The following AFF2 variants were observed in gnomAD, a reference collection of about 807,000 sequenced individuals.
AFF2 encodes the protein AF4/FMR2 family member 2.
Under a neutral mutation model 76.9 loss-of-function variants are expected in AFF2, and 14 were observed. The ratio of observed to expected loss-of-function variants is 0.18; its 90% CI spans 0.12 to 0.28. The LOEUF is 0.28. Among genes scored for constraint, AFF2 ranks in the 10% least tolerant of loss-of-function variants. The pLI, the probability that AFF2 is intolerant of heterozygous loss-of-function variation, is 1.00. For synonymous variants in AFF2, 398 were observed against 366.7 expected (o/e 1.09, Z -0.98); for missense variants, 868 against 1,001.1 (o/e 0.87, Z 1.79).
At chrX:148,933,455 G>A (rs1054548139) in intron 9 of AFF2, among the ~76,000 whole-genome samples, 4 of 111,703 alleles carry the variant, frequency 3.6e-5, no homozygotes, top group Non-Finnish European at 7.5e-5. Context: ...ATTGTCAAAG[G>A]ACTATGGGAA....
chrX:148,989,054 C>A (rs2072505977), intron 20 of AFF2, among the ~76,000 whole-genome samples: 1 of 112,089 alleles, frequency 8.9e-6, no homozygotes, highest in East Asian at 2.8e-4. Flanking sequence ...GGTGAGATCC[C>A]AAACCAGTTA....
chrX:148,905,768 A>T (rs1377590947), intron 9 of AFF2, among the ~76,000 whole-genome samples: 1 of 112,699 alleles, frequency 8.9e-6, no homozygotes, highest in Non-Finnish European at 1.9e-5. Flanking sequence ...GCCCATTGGC[A>T]GTGTTTGGGG....
chrX:148,652,195 T>C, intron 2 of AFF2, 64 bp downstream of exon 2: 1 of 867,766 alleles, frequency 1.2e-6, no homozygotes, highest in South Asian at 2.5e-5. Flanking sequence ...TAATCAACAT[T>C]TAATTTATGT....
intron 1 of AFF2, among the ~76,000 whole-genome samples, chrX:148,510,798 C>T (rs1476579247): frequency 1.8e-5 from 2 of 111,922 alleles, no homozygotes; most frequent in African/African-American, 6.5e-5. Flanking sequence ...ATGCTTAGAA[C>T]AGTGTGTGGT....
intron 7 of AFF2, among the ~76,000 whole-genome samples, chrX:148,861,330 G>A (rs1404878766): frequency 8.9e-6 from 1 of 111,960 alleles, no homozygotes; most frequent in Non-Finnish European, 1.9e-5. Context: ...TCAATTATGT[G>A]TATGTGTGAG....
At chrX:148,614,762 C>CT (rs1377607663) in intron 1 of AFF2, among the ~76,000 whole-genome samples, 1 of 53,217 alleles carries the variant, frequency 1.9e-5, no homozygotes, top group African/African-American at 1.0e-4. Flanking sequence ...TTCTTTCTTT[C>CT]TTTCTTTCTT....
intron 3 of AFF2, among the ~76,000 whole-genome samples, chrX:148,763,259 C>T (rs1363344495): frequency 9.0e-6 from 1 of 111,688 alleles, no homozygotes; most frequent in Non-Finnish European, 1.9e-5. Context: ...ATTTTACTTC[C>T]TGGGCTTTTC....
At chrX:148,613,462 C>T (rs2053753831) in intron 1 of AFF2, among the ~76,000 whole-genome samples, 1 of 111,786 alleles carries the variant, frequency 8.9e-6, no homozygotes, top group Non-Finnish European at 1.9e-5. Flanking sequence ...AGACCCTTCA[C>T]TCTAAGCCCT....
intron 1 of AFF2, among the ~76,000 whole-genome samples, chrX:148,648,131 A>G (rs2054161467): frequency 1.8e-5 from 2 of 112,306 alleles, no homozygotes; most frequent in African/African-American, 6.5e-5. Context: ...TTCCTTTGCC[A>G]CTAGCTTGAT....
At chrX:148,774,176 C>T (rs782436279) in intron 3 of AFF2, among the ~76,000 whole-genome samples, 15 of 111,621 alleles carry the variant, frequency 1.3e-4, no homozygotes, top group Non-Finnish European at 2.6e-4. Flanking sequence ...ATCAGGTCAG[C>T]CACAAAGTTA....
chrX:148,897,144 C>G (rs1177939605), intron 8 of AFF2, among the ~76,000 whole-genome samples: 4 of 93,139 alleles, frequency 4.3e-5, no homozygotes, highest in Non-Finnish European at 8.6e-5. Context: ...TTGCCAAGGA[C>G]ATTGTTGCCA....
At chrX:148,587,020 C>T (rs2053476000) in intron 1 of AFF2, among the ~76,000 whole-genome samples, 1 of 111,487 alleles carries the variant, frequency 9.0e-6, no homozygotes. Flanking sequence ...GTGCTAGACC[C>T]AATTCTGAGC....
At chrX:148,507,967 T>G (rs782259862) in intron 1 of AFF2, among the ~76,000 whole-genome samples, 13 of 112,461 alleles carry the variant, frequency 1.2e-4, no homozygotes, top group Non-Finnish European at 2.3e-4. Context: ...TTGCTTCATT[T>G]GAAAAATAAA....
At chrX:148,606,652 A>G (rs1479057858) in intron 1 of AFF2, among the ~76,000 whole-genome samples, 11 of 111,942 alleles carry the variant, frequency 9.8e-5, no homozygotes, top group Admixed American at 9.4e-4. Flanking sequence ...TTCAGTTTCT[A>G]TACCATACAG....
chrX:148,785,417 A>G (rs1327772824), intron 3 of AFF2, among the ~76,000 whole-genome samples: 1 of 111,403 alleles, frequency 9.0e-6, no homozygotes, highest in Non-Finnish European at 1.9e-5. Flanking sequence ...GACTGCTGCC[A>G]CATTTATACT....
At chrX:148,943,706 G>T (rs1557285853) in intron 9 of AFF2, among the ~76,000 whole-genome samples, 1 of 111,998 alleles carries the variant, frequency 8.9e-6, no homozygotes, top group African/African-American at 3.3e-5. Context: ...GAGCAATAGG[G>T]ATGTTAAGTG....
intron 1 of AFF2, among the ~76,000 whole-genome samples, chrX:148,633,644 G>C (rs911211903): frequency 2.1e-4 from 23 of 111,984 alleles, no homozygotes; most frequent in African/African-American, 7.5e-4. Context: ...TTTCTACCTT[G>C]TGCCAAACCT....
At chrX:148,654,192 T>A (rs1169951012) in intron 2 of AFF2, among the ~76,000 whole-genome samples, 1 of 111,238 alleles carries the variant, frequency 9.0e-6, no homozygotes, top group Admixed American at 9.5e-5. Context: ...GAAAGAAAAT[T>A]TAATAGAAAC....
At chrX:148,691,677 TGTAGTTTGGTACA>T (rs2124502599) in intron 3 of AFF2, among the ~76,000 whole-genome samples, 1 of 111,538 alleles carries the variant, frequency 9.0e-6, no homozygotes, top group African/African-American at 3.3e-5. Flanking sequence ...GTGGACCCAA[TGTAGTTTGGTACA>T]GCTGGAGTAT....
Sources: allele counts gnomAD v4.1 joint callset (sites outside exome capture counted in the v4.1 genomes callset), GRCh38; gene constraint gnomAD v4.1.1; transcripts MANE v1.5; gene names NCBI Gene and HGNC (gene_info 2026-07-23, HGNC 2026-07-21).